PTBP3: variants seen among roughly 807,000 people sequenced by gnomAD.
PTBP3 encodes polypyrimidine tract-binding protein 3.
Under a neutral mutation model 58.7 loss-of-function variants are expected in PTBP3, and 20 were observed. That is an observed-to-expected ratio of 0.34 (90% CI 0.24 to 0.50). The LOEUF is 0.50. PTBP3 is among the 20% of genes least tolerant of loss of function. PTBP3 has a pLI of 0.98. For synonymous variants in PTBP3, 185 were observed against 219.8 expected (o/e 0.84, Z 1.40); for missense variants, 509 against 637.2 (o/e 0.80, Z 2.17).
intron 7 of PTBP3, among the ~76,000 whole-genome samples, chr9:112,236,412 C>T (rs1452343723): frequency 1.3e-5 from 2 of 152,114 alleles, no homozygotes; most frequent in East Asian, 3.9e-4. Flanking sequence ...TAAACTTACA[C>T]ACAAGCAAGC....
At chr9:112,289,026 T>C (rs1380469229) in intron 2 of PTBP3, among the ~76,000 whole-genome samples, 1 of 152,226 alleles carries the variant, frequency 6.6e-6, no homozygotes, top group Admixed American at 6.5e-5. Flanking sequence ...CACCTATTTT[T>C]AGCTAAGCAC....
intron 3 of PTBP3, among the ~76,000 whole-genome samples, chr9:112,270,432 C>G (rs1827326231): frequency 6.6e-6 from 1 of 152,102 alleles, no homozygotes; most frequent in Non-Finnish European, 1.5e-5. Context: ...ACTAAACTGG[C>G]CAGAAAAGAG....
chr9:112,332,464 C>A (rs1830413884), intron 1 of PTBP3, among the ~76,000 whole-genome samples: 1 of 152,106 alleles, frequency 6.6e-6, no homozygotes, highest in Non-Finnish European at 1.5e-5. Flanking sequence ...TATTCCACAA[C>A]CTCACAGAAA....
intron 1 of PTBP3, among the ~76,000 whole-genome samples, chr9:112,322,385 C>A (rs1463910592): frequency 6.6e-6 from 1 of 151,670 alleles, no homozygotes; most frequent in East Asian, 1.9e-4. Context: ...AGTCACATAT[C>A]AGAGGCACAG....
In PTBP3 at chr9:112,332,853, G is replaced by A. The variant is rs746022561; in HGVS notation, c.-52+617C>T. ...AGGGGGAAGCGTCCATGGTCACTAA[G>A]TCCAGACCCCTGGTGTCGAGAAAGC... On this transcript the variant is annotated intron_variant, in intron 1 of 13. Coordinates refer to ENST00000374257, the MANE Select transcript of PTBP3 (RefSeq NM_001163788.4). The A allele has an allele frequency of 6.2e-6, 10 of 1,611,522 alleles. No homozygotes were observed. In the African/African-American group the frequency reaches 8.0e-5, roughly 13 times the overall value.
chr9:112,258,997 G>A (rs1266923898), intron 5 of PTBP3, among the ~76,000 whole-genome samples: 1 of 152,110 alleles, frequency 6.6e-6, no homozygotes, highest in East Asian at 1.9e-4. Flanking sequence ...TGTCATCCAG[G>A]CTGGAATGCA....
chr9:112,345,384 T>A, the PTBP3 span, among the ~76,000 whole-genome samples: 1 of 149,612 alleles, frequency 6.7e-6, no homozygotes, highest in African/African-American at 2.5e-5. Context: ...AAAAAAATTT[T>A]TTTTTTTTGA....
intron 7 of PTBP3, among the ~76,000 whole-genome samples, chr9:112,235,793 C>T (rs1835416615): frequency 6.6e-6 from 1 of 151,950 alleles, no homozygotes; most frequent in Admixed American, 6.6e-5. Flanking sequence ...AAAGATACAG[C>T]CTGGGGGTAT....
the PTBP3 span, among the ~76,000 whole-genome samples, chr9:112,368,001 ATTG>A: frequency 6.7e-6 from 1 of 150,292 alleles, no homozygotes; most frequent in African/African-American, 2.5e-5. Context: ...TGTTCTTTTC[ATTG>A]TTGTTGTTGA....
chr9:112,363,551 CACACACA>C, the PTBP3 span, among the ~76,000 whole-genome samples: 1 of 125,004 alleles, frequency 8.0e-6, no homozygotes. Flanking sequence ...CACACACACA[CACACACA>C]CAAAGGCTAT....
At position 112,223,167 on chromosome 9, in the gene PTBP3, G is replaced by A; in HGVS notation, c.*684C>T. The stretch of plus-strand genomic sequence containing the variant: ...AGTTGAATTCCACTTAATTTCCCTG[G>A]GGACAGCTGAGACACTGCATTTTTC... On this transcript the variant is annotated 3_prime_UTR_variant, in exon 14 of 14. Coordinates refer to ENST00000374257, the MANE Select transcript of PTBP3 (RefSeq NM_001163788.4). 1.1e-6 allele frequency: 1 copy of A among 907,652 alleles called. No homozygotes were observed. Among genetic ancestry groups the A allele is most frequent in the Non-Finnish European group, 1.3e-6 (1 of 759,008 alleles). The allele number at this position is 907,652 out of a possible 1,614,324, so 56.2% of individuals were successfully genotyped here. A position where few individuals can be genotyped will look rare whatever the true frequency, so the allele number is the denominator to read the frequency against.
intron 7 of PTBP3, among the ~76,000 whole-genome samples, chr9:112,247,303 T>C (rs1052532094): frequency 4.2e-5 from 6 of 144,140 alleles, no homozygotes; most frequent in Admixed American, 4.1e-4. Flanking sequence ...AATAAATAAA[T>C]AAATAAATAA....
chr9:112,316,577 T>C (rs1829711758), intron 1 of PTBP3, among the ~76,000 whole-genome samples: 1 of 152,188 alleles, frequency 6.6e-6, no homozygotes, highest in South Asian at 2.1e-4. Context: ...CCCAGATTCC[T>C]GACACACAGA....
the PTBP3 span, among the ~76,000 whole-genome samples, chr9:112,367,978 T>A: frequency 2.6e-5 from 4 of 152,130 alleles, no homozygotes; most frequent in Non-Finnish European, 5.9e-5. Context: ...TTTCTTCAGT[T>A]TTTTTTTCTT....
chr9:112,236,742 G>T (rs900933083), intron 7 of PTBP3, among the ~76,000 whole-genome samples: 1 of 152,114 alleles, frequency 6.6e-6, no homozygotes, highest in African/African-American at 2.4e-5. Flanking sequence ...TGGTGGAAAT[G>T]ACACATGTTC....
intron 1 of PTBP3, among the ~76,000 whole-genome samples, chr9:112,327,257 T>C (rs747483616): frequency 1.3e-5 from 2 of 151,258 alleles, no homozygotes; most frequent in Non-Finnish European, 2.9e-5. Flanking sequence ...CAATAAGCAT[T>C]TCAAAATATA....
chr9:112,282,965 T>C (rs769017357), intron 2 of PTBP3, among the ~76,000 whole-genome samples: 12 of 152,338 alleles, frequency 7.9e-5, no homozygotes, highest in Middle Eastern at 3.4e-3. Flanking sequence ...CAAGATCTGA[T>C]GGTTGTATAA....
upstream of PTBP3, among the ~76,000 whole-genome samples, chr9:112,333,858 G>C (rs1830498197): frequency 6.7e-6 from 1 of 148,856 alleles, no homozygotes; most frequent in African/African-American, 2.5e-5. Context: ...CCTCGGCCCG[G>C]CGCGCGCGCG....
intron 1 of PTBP3, among the ~76,000 whole-genome samples, chr9:112,309,312 A>G (rs538199108): frequency 6.6e-5 from 10 of 152,124 alleles, no homozygotes; most frequent in African/African-American, 2.4e-4. Context: ...GAAAACTCAT[A>G]CTGGTTCTGC....
Sources: allele counts gnomAD v4.1 joint callset (sites outside exome capture counted in the v4.1 genomes callset), GRCh38; gene constraint gnomAD v4.1.1; transcripts MANE v1.5; gene names NCBI Gene and HGNC (gene_info 2026-07-23, HGNC 2026-07-21).